CACHD1: variants seen among roughly 807,000 people sequenced by gnomAD.
CACHD1 encodes VWFA and cache domain-containing protein 1.
CACHD1 carries 71 observed loss-of-function variants against 138.7 expected under a neutral mutation model. That is an observed-to-expected ratio of 0.51 (90% CI 0.42 to 0.62). The LOEUF (loss-of-function observed/expected upper bound fraction) is 0.62, where lower values mean the gene tolerates loss of function less well. Ranked by LOEUF, CACHD1 falls within the 20% of genes least tolerant of loss-of-function variation. The pLI is 0.00. For synonymous variants in CACHD1, 578 were observed against 591.5 expected (o/e 0.98, Z 0.33); for missense variants, 1,389 against 1,625.3 (o/e 0.85, Z 2.50).
intron 2 of CACHD1, 86 bp from the exon 3 acceptor site, chr1:64,582,070 G>A (rs557603985): frequency 1.4e-6 from 2 of 1,419,522 alleles, no homozygotes; most frequent in African/African-American, 2.9e-5. Flanking sequence ...TGCAGCTTGT[G>A]ACACAGATTA....
intron 22 of CACHD1, among the ~76,000 whole-genome samples, chr1:64,677,336 T>G (rs1650031860): frequency 6.6e-6 from 1 of 152,144 alleles, no homozygotes. Flanking sequence ...GGTGTGATAT[T>G]TTGAAGCTCA....
In CACHD1 at chr1:64,588,274, A is replaced by G. The variant is rs140270377; in HGVS notation, c.410+5970A>G. Among the ~76,000 whole-genome samples the G allele has an allele frequency of 2.8e-3, 430 of 152,306 alleles. 2 individuals carry two copies. The highest frequency in any genetic ancestry group is 0.01 in the African/African-American group (419 of 41,572). On this transcript the variant is annotated intron_variant, in intron 3 of 26. Coordinates refer to ENST00000651257, the MANE Select transcript of CACHD1 (RefSeq NM_020925.4). The stretch of plus-strand genomic sequence containing the variant: ...TTCTCATTCTCTCAAGTTTTAAAGA[A>G]TATAACTCCTTTAGGCATAACACTA...
intron 1 of CACHD1, among the ~76,000 whole-genome samples, chr1:64,501,681 A>C (rs143838085): frequency 2.0e-5 from 3 of 152,290 alleles, no homozygotes; most frequent in African/African-American, 7.2e-5. Context: ...TAATACAAAC[A>C]CCTTGAAATA....
chr1:64,610,867 G>T (rs1647506919), intron 4 of CACHD1, among the ~76,000 whole-genome samples: 2 of 152,220 alleles, frequency 1.3e-5, no homozygotes, highest in South Asian at 2.1e-4. Flanking sequence ...CCTAGCAGAG[G>T]TTCTCCATGA....
At chr1:64,495,418 T>A (rs1026461097) in intron 1 of CACHD1, among the ~76,000 whole-genome samples, 17 of 152,212 alleles carry the variant, frequency 1.1e-4, no homozygotes, top group African/African-American at 4.1e-4. Context: ...CTATATAATC[T>A]TAATTTATTT....
chr1:64,587,604 A>T (rs1647060775), intron 3 of CACHD1, among the ~76,000 whole-genome samples: 1 of 152,254 alleles, frequency 6.6e-6, no homozygotes, highest in African/African-American at 2.4e-5. Flanking sequence ...TGAAGGAATG[A>T]TCTAAAGAAT....
At chr1:64,506,411 A>G (rs1349083378) in intron 1 of CACHD1, 1 of 152,240 alleles carries the variant, frequency 6.6e-6, no homozygotes, top group East Asian at 1.9e-4. Flanking sequence ...GGCCTATTGA[A>G]TGCTCTCTAG....
chr1:64,472,166 T>A lies in CACHD1; in HGVS notation c.198+1224T>A, dbSNP rs529076965. Among the ~76,000 whole-genome samples, 168 of 139,314 alleles carry A rather than the reference T, an allele frequency of 1.2e-3. 1 individual carries two copies. The highest frequency in any genetic ancestry group is 1.8e-3 in the Non-Finnish European group (116 of 64,412). The allele number at this position is 139,314 out of a possible 152,430, so 91.4% of individuals were successfully genotyped here. ...AGGTGTTTAAGTCACTTTTGGGATT[T>A]AGGTTTCTTACTTCTTTCTTCTTCG... is the stretch of plus-strand genomic sequence containing the variant. On this transcript the variant is annotated intron_variant, in intron 1 of 26. Transcript: ENST00000651257.
intron 19 of CACHD1, among the ~76,000 whole-genome samples, chr1:64,673,788 C>T (rs1166753124): frequency 1.3e-5 from 2 of 152,190 alleles, no homozygotes; most frequent in Non-Finnish European, 2.9e-5. Flanking sequence ...ATATGTGGCA[C>T]CATGTGTTCC....
chr1:64,485,255 GAT>G (rs1253143428), intron 1 of CACHD1, among the ~76,000 whole-genome samples: 1 of 152,164 alleles, frequency 6.6e-6, no homozygotes, highest in Non-Finnish European at 1.5e-5. Context: ...CCACAGTCAA[GAT>G]ATACAACAGT....
At position 64,470,732 on chromosome 1, in the gene CACHD1, G is replaced by A. The variant is rs570349136; in HGVS notation, c.-13G>A. The stretch of plus-strand genomic sequence containing the variant: ...CGCCCGGAGCCCGTCGGCGGGGAGT[G>A]GGGGGAGGCAGCATGGCCCGCCAGC... On this transcript the variant is annotated 5_prime_UTR_variant, in exon 1 of 27. Transcript: ENST00000651257. The surrounding 1 kb of genome is among the most constrained non-coding windows in gnomAD (Gnocchi z 5.2). 3 of 573,108 alleles carry A rather than the reference G, an allele frequency of 5.2e-6. No individual in the cohort carries two copies. The highest frequency in any genetic ancestry group is 4.7e-4 in the Middle Eastern group (1 of 2,122). 35.5% of individuals were successfully genotyped at this position (573,108 alleles called of 1,614,324 possible).
intron 8 of CACHD1, among the ~76,000 whole-genome samples, chr1:64,643,640 T>G (rs1648804949): frequency 1.3e-5 from 2 of 152,068 alleles, no homozygotes; most frequent in Non-Finnish European, 2.9e-5. Context: ...ATCAAGACCA[T>G]CCTGGCTAAC....
chr1:64,471,176 G>C (rs1646141840), intron 1 of CACHD1, among the ~76,000 whole-genome samples: 1 of 152,136 alleles, frequency 6.6e-6, no homozygotes, highest in Admixed American at 6.5e-5. Flanking sequence ...CCCTCTGCAC[G>C]GAACCCACTT....
chr1:64,608,517 C>T (rs772971003), intron 4 of CACHD1, among the ~76,000 whole-genome samples: 6 of 152,194 alleles, frequency 3.9e-5, no homozygotes, highest in Non-Finnish European at 7.3e-5. Context: ...GAAGCAGACT[C>T]ACATAAATTA....
intron 2 of CACHD1, among the ~76,000 whole-genome samples, chr1:64,579,222 TA>T (rs1362793043): frequency 6.6e-6 from 1 of 152,218 alleles, no homozygotes; most frequent in Non-Finnish European, 1.5e-5. Context: ...TATTCTCCTT[TA>T]AAAAACATTT....
At chr1:64,555,241 G>T (rs184136406) in intron 2 of CACHD1, among the ~76,000 whole-genome samples, 4 of 152,166 alleles carry the variant, frequency 2.6e-5, no homozygotes, top group Admixed American at 2.0e-4. Flanking sequence ...CACCATCCTT[G>T]CCCTCCCCAA....
At chr1:64,687,130 G>C (rs181270130) in intron 26 of CACHD1, among the ~76,000 whole-genome samples, 45 of 152,204 alleles carry the variant, frequency 3.0e-4, no homozygotes, top group African/African-American at 9.4e-4. Flanking sequence ...ATAAGCCTTT[G>C]GATAGTAAAT....
Position 64,579,257 on chromosome 1 carries a change from C to G in CACHD1, c.262-2899C>G, listed in dbSNP as rs11208472. ...TTAAAAGTGTAAGAATCATTCTTAG[C>G]TCATGGCCTATGTAGAAAGAGGCAG... On this transcript the variant is annotated intron_variant, in intron 2 of 26. Coordinates refer to ENST00000651257, the MANE Select transcript of CACHD1 (RefSeq NM_020925.4). 5.5e-3 allele frequency among the ~76,000 whole-genome samples: 840 copies of G among 152,190 alleles called. 4 individuals carry two copies. Among genetic ancestry groups the G allele is most frequent in the African/African-American group, 0.019 (809 of 41,534 alleles).
At position 64,550,675 on chromosome 1, in the gene CACHD1, T is replaced by C. The variant is rs773434195; in HGVS notation, c.261+19T>C. The C allele has an allele frequency of 6.6e-7, 1 of 1,525,620 alleles. No homozygotes were observed. The highest frequency in any genetic ancestry group is 9.1e-7 in the Non-Finnish European group (1 of 1,100,118). The allele number at this position is 1,525,620 out of a possible 1,614,324, so 94.5% of individuals were successfully genotyped here. A position where few individuals can be genotyped will look rare whatever the true frequency, so the allele number is the denominator to read the frequency against. On this transcript the variant is annotated intron_variant, in intron 2 of 26. Transcript: ENST00000651257. ...ACAGCAGGTAAGAGGCAATGAGTAC[T>C]TGACACTCCCTGTCTTTGTCTTGCT... is the stretch of plus-strand genomic sequence containing the variant.
Sources: gnomAD v4.1 joint callset for allele counts (sites outside exome capture counted in the v4.1 genomes callset) on GRCh38, gnomAD v4.1.1 for gene constraint, Gnocchi (gnomAD v3.1) non-coding constraint, MANE v1.5 for transcripts, NCBI Gene and HGNC (gene_info 2026-07-23, HGNC 2026-07-21) for gene names.